The following FAM227A variants were observed in gnomAD, a reference collection of about 807,000 sequenced individuals.
The protein encoded by FAM227A is protein FAM227A.
Under a neutral mutation model 74.7 loss-of-function variants are expected in FAM227A, and 80 were observed. That is an observed-to-expected ratio of 1.07 (90% CI 0.89 to 1.29). The LOEUF (loss-of-function observed/expected upper bound fraction) is 1.29. Among genes scored for constraint, FAM227A ranks in the 50% most tolerant of loss-of-function variants. The pLI is 0.00. For synonymous variants in FAM227A, 237 were observed against 241.8 expected (o/e 0.98, Z 0.19); for missense variants, 654 against 683.4 (o/e 0.96, Z 0.48).
chr22:38,630,263 C>T (rs149750384), intron 6 of FAM227A, among the ~76,000 whole-genome samples: 3 of 152,238 alleles, frequency 2.0e-5, no homozygotes, highest in African/African-American at 4.8e-5. Context: ...CAGGTAAGAT[C>T]GACATGCATG....
chr22:38,655,553 G>A (rs912738935), intron 1 of FAM227A, among the ~76,000 whole-genome samples: 3 of 152,060 alleles, frequency 2.0e-5, no homozygotes, highest in Admixed American at 1.3e-4. Context: ...TGGAAGCAGT[G>A]CAAATTTAGA....
At chr22:38,648,002 G>T (rs2092267870) in intron 2 of FAM227A, among the ~76,000 whole-genome samples, 1 of 152,176 alleles carries the variant, frequency 6.6e-6, no homozygotes, top group Non-Finnish European at 1.5e-5. Flanking sequence ...AGGTGAGGGG[G>T]GCAGAGTGGT....
At chr22:38,597,764 A>C (rs2091078947) in intron 14 of FAM227A, among the ~76,000 whole-genome samples, 2 of 152,074 alleles carry the variant, frequency 1.3e-5, no homozygotes, top group South Asian at 4.1e-4. Flanking sequence ...TGTATATAAA[A>C]ATATTCTTGG....
intron 15 of FAM227A, among the ~76,000 whole-genome samples, chr22:38,595,717 A>T (rs894752913): frequency 3.3e-5 from 5 of 152,370 alleles, no homozygotes; most frequent in African/African-American, 4.8e-5. Flanking sequence ...CATCACCAGT[A>T]GCAGAGCAAC....
chr22:38,597,165 AGT>A, intron 15 of FAM227A, 37 bp downstream of exon 15: 1 of 1,542,616 alleles, frequency 6.5e-7, no homozygotes, highest in Non-Finnish European at 8.8e-7. Flanking sequence ...GCAAAAGATA[AGT>A]GCGGAACAAC....
At chr22:38,625,989 G>GT (rs987194996) in intron 9 of FAM227A, among the ~76,000 whole-genome samples, 191 bp downstream of exon 9, 7 of 150,436 alleles carry the variant, frequency 4.7e-5, no homozygotes, top group African/African-American at 1.2e-4. Flanking sequence ...TCTCAGAACT[G>GT]TTTTGAGGAA....
In FAM227A at chr22:38,582,489, T is replaced by C; in HGVS notation, c.*3636A>G. The C allele has an allele frequency of 7.0e-7, 1 of 1,419,218 alleles. No individual in the cohort carries two copies. Among genetic ancestry groups the C allele is most frequent in the Non-Finnish European group, 9.7e-7 (1 of 1,034,222 alleles). The allele number at this position is 1,419,218 out of a possible 1,614,324, so 87.9% of individuals were successfully genotyped here. ...AATGCTTTTTAAATGTTAGTTCCCT[T>C]TGATGCTCTACCCCGCTTCCCTTAT... On this transcript the variant is annotated 3_prime_UTR_variant, in exon 17 of 17. Transcript: ENST00000535113.
intron 6 of FAM227A, among the ~76,000 whole-genome samples, chr22:38,633,052 G>T (rs1390396721): frequency 6.6e-6 from 1 of 152,192 alleles, no homozygotes; most frequent in Non-Finnish European, 1.5e-5. Flanking sequence ...TGTCCTTGTG[G>T]AGCTCAGGGT....
rs2091728373 is a variant in FAM227A, at chr22:38,623,205, C to T, written c.925G>A (p.Glu309Lys). 1.3e-6 allele frequency: 2 copies of T among 1,551,542 alleles called. No individual in the cohort carries two copies. The highest frequency in any genetic ancestry group is 2.7e-5 in the African/African-American group (2 of 73,062). The change falls in exon 10 of 17, where the codon GAA (glutamate) becomes AAA (lysine). Residue 309 changes from glutamate (E) to lysine (K), a missense_variant. Physicochemically the swap from Glu to Lys is moderately conservative, Grantham distance 56. Transcript: ENST00000535113. ...AGTCTTCTTCTGTACAACATTAATT[C>T]TTCTCTGCGGAATCGCTCTGGGTCT... The part of the protein sequence containing the change: ...ELDPERFRRE[E>K]LMLYRRRLTK...
At position 38,590,117 on chromosome 22, in the gene FAM227A, A is replaced by AC. The variant is rs397826963; in HGVS notation, c.1638+1317_1638+1318insG. ...ACAAAACAAAACAAAACAAAACAAA[A>AC]AAACGAAAAAAATTAGCTGGGCATG... is the stretch of plus-strand genomic sequence containing the variant. On this transcript the variant is annotated intron_variant, in intron 16 of 16. Coordinates refer to ENST00000535113, the MANE Select transcript of FAM227A (RefSeq NM_001013647.2). Among the ~76,000 whole-genome samples, 6 of 150,152 alleles carry AC rather than the reference A, an allele frequency of 4.0e-5. No individual in the cohort carries two copies. In the Middle Eastern group the frequency reaches 0.014, roughly 343 times the overall value.
At chr22:38,620,695 G>C (rs972154619) in intron 10 of FAM227A, among the ~76,000 whole-genome samples, 2 of 151,818 alleles carry the variant, frequency 1.3e-5, no homozygotes, top group Admixed American at 1.3e-4. Flanking sequence ...TGTAGTCCCA[G>C]CTACTCGGGA....
intron 2 of FAM227A, among the ~76,000 whole-genome samples, chr22:38,648,305 T>TAA (rs11351838): frequency 2.7e-4 from 34 of 125,846 alleles, no homozygotes; most frequent in African/African-American, 8.3e-4. Context: ...TCAACTTGAT[T>TAA]AAAAAAAAAA....
intron 15 of FAM227A, among the ~76,000 whole-genome samples, chr22:38,594,888 G>A (rs932102291): frequency 2.0e-5 from 3 of 152,096 alleles, no homozygotes; most frequent in Admixed American, 6.6e-5. Context: ...CACGAGGTCA[G>A]GGGATCGAGA....
chr22:38,630,793 G>A (rs2091901160), intron 6 of FAM227A, among the ~76,000 whole-genome samples: 1 of 152,180 alleles, frequency 6.6e-6, no homozygotes, highest in Admixed American at 6.5e-5. Flanking sequence ...GGATCCCCGG[G>A]ACAAGGCATC....
At chr22:38,643,922 C>A (rs1168825193) in intron 3 of FAM227A, among the ~76,000 whole-genome samples, 3 of 151,804 alleles carry the variant, frequency 2.0e-5, no homozygotes, top group African/African-American at 7.3e-5. Flanking sequence ...CTGAGGCGGG[C>A]GGATCACGAG....
intron 16 of FAM227A, among the ~76,000 whole-genome samples, chr22:38,588,973 A>G (rs928658251): frequency 6.6e-6 from 1 of 151,972 alleles, no homozygotes; most frequent in Admixed American, 6.6e-5. Flanking sequence ...AAGCTGTTAT[A>G]GGTTTTGGGG....
intron 6 of FAM227A, among the ~76,000 whole-genome samples, chr22:38,634,221 C>CAAAAAAA (rs34039010): frequency 1.6e-5 from 1 of 62,154 alleles, no homozygotes; most frequent in Non-Finnish European, 3.2e-5. Context: ...GACTCTGTCT[C>CAAAAAAA]AAAAAAAAAA....
intron 11 of FAM227A, among the ~76,000 whole-genome samples, chr22:38,613,770 G>GT (rs1364687140): frequency 6.6e-6 from 1 of 152,234 alleles, no homozygotes; most frequent in Middle Eastern, 3.4e-3. Context: ...GTGCTTGCAT[G>GT]TAAGATCATA....
At chr22:38,634,736 G>A (rs2091971471) in intron 6 of FAM227A, among the ~76,000 whole-genome samples, 1 of 152,166 alleles carries the variant, frequency 6.6e-6, no homozygotes, top group Non-Finnish European at 1.5e-5. Flanking sequence ...GAAAGCAGGA[G>A]CAAAGGGAAT....
Sources: gnomAD v4.1 joint callset for allele counts (sites outside exome capture counted in the v4.1 genomes callset) on GRCh38, gnomAD v4.1.1 for gene constraint, MANE v1.5 for transcripts, NCBI Gene and HGNC (gene_info 2026-07-23, HGNC 2026-07-21) for gene names.